GYPC: variants seen among roughly 807,000 people sequenced by gnomAD.
GYPC encodes glycophorin C (Gerbich blood group).
A neutral mutation model predicts 12.6 loss-of-function variants in GYPC; 14 were observed. The observed-to-expected ratio is 1.11, with a 90% CI of 0.74 to 1.74. GYPC has a LOEUF of 1.74. Ranked by LOEUF, GYPC falls within the 40% of genes most tolerant of loss-of-function variation. The probability of loss-of-function intolerance (pLI) is 0.00; values close to 1 mark genes in which losing one functional copy is unlikely to be tolerated. For synonymous variants in GYPC, 78 were observed against 62.1 expected (o/e 1.26, Z -1.20); for missense variants, 225 against 172.1 (o/e 1.31, Z -1.72).
At chr2:126,679,632 C>A (rs796514498) in intron 1 of GYPC, 2 of 152,268 alleles carry the variant, frequency 1.3e-5, no homozygotes, top group African/African-American at 4.8e-5. Flanking sequence ...AATACAAGCG[C>A]TTTGGGAGGC....
chr2:126,693,711 C>T (rs944103840), intron 2 of GYPC, among the ~76,000 whole-genome samples, 153 bp from the exon 3 acceptor site: 14 of 152,176 alleles, frequency 9.2e-5, no homozygotes, highest in Admixed American at 3.9e-4. Context: ...TGCATCCCTG[C>T]TAGGAGCAGT....
At chr2:126,680,245 A>T (rs557777640) in intron 1 of GYPC, 1 of 152,392 alleles carries the variant, frequency 6.6e-6, no homozygotes, top group South Asian at 2.1e-4. Flanking sequence ...GTGAATAAGG[A>T]TGAAGAGGTT....
intron 1 of GYPC, among the ~76,000 whole-genome samples, chr2:126,664,755 G>T (rs1682631617): frequency 6.6e-6 from 1 of 152,238 alleles, no homozygotes; most frequent in Non-Finnish European, 1.5e-5. Context: ...CTCCCTGCCT[G>T]AATCTGCCCC....
At chr2:126,677,947 T>A (rs561523445) in intron 1 of GYPC, among the ~76,000 whole-genome samples, 1 of 152,192 alleles carries the variant, frequency 6.6e-6, no homozygotes, top group African/African-American at 2.4e-5. Context: ...ATCGGCCGGG[T>A]GCAGCGGCTC....
intron 2 of GYPC, among the ~76,000 whole-genome samples, chr2:126,693,646 G>A (rs1330403849): frequency 6.6e-6 from 1 of 152,164 alleles, no homozygotes; most frequent in Admixed American, 6.6e-5. Context: ...TGGTGGTTCA[G>A]GTTCAAACAG....
chr2:126,685,996 T>C, intron 1 of GYPC: 1 of 985,324 alleles, frequency 1.0e-6, no homozygotes, highest in Non-Finnish European at 1.2e-6. Flanking sequence ...CCTTCTTTGC[T>C]GGGACAGATG....
chr2:126,674,063 C>A (rs1456839469), intron 1 of GYPC, among the ~76,000 whole-genome samples: 1 of 152,216 alleles, frequency 6.6e-6, no homozygotes, highest in African/African-American at 2.4e-5. Context: ...GACTCACAGG[C>A]AGGCTGTATG....
chr2:126,667,531 G>A (rs1437872561), intron 1 of GYPC, among the ~76,000 whole-genome samples: 1 of 151,764 alleles, frequency 6.6e-6, no homozygotes, highest in Non-Finnish European at 1.5e-5. Flanking sequence ...AGCCTCCCGA[G>A]TAGCTGGGAT....
At chr2:126,692,543 G>A (rs56224235) in intron 2 of GYPC, among the ~76,000 whole-genome samples, 89,979 of 151,964 alleles carry the variant, frequency 0.59, 27,133 homozygotes, top group African/African-American at 0.7. Flanking sequence ...TAATGGGAAC[G>A]TGGGATTTCC....
intron 1 of GYPC, among the ~76,000 whole-genome samples, chr2:126,671,389 C>G (rs915996421): frequency 1.3e-5 from 2 of 152,272 alleles, no homozygotes; most frequent in African/African-American, 4.8e-5. Flanking sequence ...AACCAGCTAA[C>G]ACCCAAGTTC....
At chr2:126,684,743 G>A (rs956154721) in intron 1 of GYPC, among the ~76,000 whole-genome samples, 2 of 152,166 alleles carry the variant, frequency 1.3e-5, no homozygotes, top group South Asian at 2.1e-4. Context: ...AGAATGAACC[G>A]GCACAATTAT....
chr2:126,690,321 C>T lies in GYPC; in HGVS notation c.106+10C>T. ...ACTACCACCATTGCAGGTGAGTTCT[C>T]ATCACAGAGCCTCACCATAATGGAA... On this transcript the variant is annotated intron_variant, in intron 2 of 3. Coordinates refer to ENST00000259254, the MANE Select transcript of GYPC (RefSeq NM_002101.5). 6.3e-7 allele frequency: 1 copy of T among 1,591,656 alleles called. No homozygotes were observed. The highest frequency in any genetic ancestry group is 8.6e-7 in the Non-Finnish European group (1 of 1,159,464).
intron 1 of GYPC, among the ~76,000 whole-genome samples, chr2:126,663,559 C>G (rs1337399343): frequency 6.6e-6 from 1 of 152,234 alleles, no homozygotes; most frequent in African/African-American, 2.4e-5. Flanking sequence ...TCTGGTTCTC[C>G]ATGGAGAAGA....
At chr2:126,684,053 G>T (rs564924178) in intron 1 of GYPC, among the ~76,000 whole-genome samples, 1 of 152,136 alleles carries the variant, frequency 6.6e-6, no homozygotes. Context: ...ACCGGATAAG[G>T]GTTAGGAGGA....
chr2:126,660,540 G>C (rs569907653), intron 1 of GYPC, among the ~76,000 whole-genome samples: 1 of 152,298 alleles, frequency 6.6e-6, no homozygotes, highest in East Asian at 1.9e-4. Flanking sequence ...AGCCCTGACA[G>C]ATTCCTGAGT....
intron 2 of GYPC, among the ~76,000 whole-genome samples, chr2:126,691,860 ATT>A (rs757719422): frequency 1.3e-5 from 2 of 152,122 alleles, no homozygotes; most frequent in Non-Finnish European, 2.9e-5. Context: ...CACCTGGAAA[ATT>A]TCTGAGGGCA....
intron 2 of GYPC, among the ~76,000 whole-genome samples, chr2:126,693,302 G>A (rs1053045481): frequency 2.6e-5 from 4 of 152,176 alleles, no homozygotes; most frequent in Non-Finnish European, 4.4e-5. Context: ...GTCTCTTTGC[G>A]AATGTCAGAT....
chr2:126,673,881 A>T (rs1014737282), intron 1 of GYPC, among the ~76,000 whole-genome samples: 3 of 152,158 alleles, frequency 2.0e-5, no homozygotes, highest in African/African-American at 7.2e-5. Context: ...ATCCAGGAGG[A>T]TCAGCCTCTT....
intron 1 of GYPC, among the ~76,000 whole-genome samples, chr2:126,677,451 A>G (rs929240438): frequency 9.5e-5 from 14 of 146,830 alleles, no homozygotes; most frequent in Admixed American, 2.7e-4. Context: ...GTGTGTGTGT[A>G]TAAGAGTGTG....
Sources: gnomAD v4.1 joint callset for allele counts (sites outside exome capture counted in the v4.1 genomes callset) on GRCh38, gnomAD v4.1.1 for gene constraint, MANE v1.5 for transcripts, NCBI Gene and HGNC (gene_info 2026-07-23, HGNC 2026-07-21) for gene names.